NRP2: variants seen among roughly 807,000 people sequenced by gnomAD.
NRP2 encodes the protein neuropilin-2.
A neutral mutation model predicts 110.4 loss-of-function variants in NRP2; 52 were observed. The observed-to-expected ratio is 0.47, with a 90% confidence interval of 0.38 to 0.59. NRP2 has a LOEUF of 0.59. Among genes scored for constraint, NRP2 ranks in the 20% least tolerant of loss-of-function variants. The probability of loss-of-function intolerance (pLI) is 0.00; values close to 1 mark genes in which losing one functional copy is unlikely to be tolerated. For synonymous variants in NRP2, 508 were observed against 468.9 expected (o/e 1.08, Z -1.08); for missense variants, 1,049 against 1,203.0 (o/e 0.87, Z 1.89).
At chr2:205,696,857 AT>A (rs1207849747) in intron 1 of NRP2, among the ~76,000 whole-genome samples, 3 of 152,122 alleles carry the variant, frequency 2.0e-5, no homozygotes, top group Non-Finnish European at 4.4e-5. Context: ...TCTAATACAG[AT>A]TTTTCCATTC....
intron 12 of NRP2, among the ~76,000 whole-genome samples, chr2:205,754,599 G>C (rs553517294): frequency 6.6e-6 from 1 of 152,196 alleles, no homozygotes; most frequent in African/African-American, 2.4e-5. Flanking sequence ...CCTCCTGCAC[G>C]TTGGGAAAAA....
At chr2:205,740,733 G>T in intron 8 of NRP2, 70 bp downstream of exon 8, 1 of 1,570,028 alleles carries the variant, frequency 6.4e-7, no homozygotes, top group South Asian at 1.1e-5. Context: ...TCAACTCTCT[G>T]CAAACAGCAT....
At chr2:205,743,799 A>G (rs1019883798) in intron 9 of NRP2, 2 of 716,394 alleles carry the variant, frequency 2.8e-6, no homozygotes, top group African/African-American at 1.8e-5. Context: ...GCTGGAGTGC[A>G]GTGGCCTGTT....
intron 16 of NRP2, among the ~76,000 whole-genome samples, chr2:205,792,603 G>A (rs187444659): frequency 6.6e-6 from 1 of 152,332 alleles, no homozygotes; most frequent in Admixed American, 6.5e-5. Flanking sequence ...ACGTGTCATA[G>A]TCTGAATCTT....
At chr2:205,714,041 G>A (rs989140962) in intron 2 of NRP2, among the ~76,000 whole-genome samples, 1 of 152,176 alleles carries the variant, frequency 6.6e-6, no homozygotes, top group African/African-American at 2.4e-5. Flanking sequence ...TCTGCTCTGT[G>A]GCTCAGCCTC....
intron 1 of NRP2, among the ~76,000 whole-genome samples, chr2:205,696,909 G>A (rs554497674): frequency 1.6e-4 from 25 of 152,150 alleles, no homozygotes; most frequent in African/African-American, 5.5e-4. Context: ...TGGTATATAT[G>A]GAATTAAATG....
chr2:205,685,210 T>C (rs1236344765), intron 1 of NRP2, among the ~76,000 whole-genome samples: 1 of 152,196 alleles, frequency 6.6e-6, no homozygotes, highest in Non-Finnish European at 1.5e-5. Flanking sequence ...GCTGCGTCAC[T>C]TCCAGAGAAG....
At chr2:205,732,262 ATTTG>A (rs2057254707) in intron 7 of NRP2, among the ~76,000 whole-genome samples, 1 of 152,184 alleles carries the variant, frequency 6.6e-6, no homozygotes, top group African/African-American at 2.4e-5. Context: ...AGGAGTTGCC[ATTTG>A]TTTGATTTGG....
intron 9 of NRP2, among the ~76,000 whole-genome samples, chr2:205,744,635 T>A (rs1049936578): frequency 6.6e-6 from 1 of 152,180 alleles, no homozygotes; most frequent in East Asian, 1.9e-4. Context: ...TATCTCTAGT[T>A]ACCCCTTGTT....
intron 1 of NRP2, among the ~76,000 whole-genome samples, chr2:205,690,630 A>ACACAC (rs2056294317): frequency 3.0e-5 from 4 of 135,246 alleles, no homozygotes; most frequent in South Asian, 2.4e-4. Flanking sequence ...ACACACACAC[A>ACACAC]ATAGCTGGGT....
intron 15 of NRP2, chr2:205,777,254 C>T (rs1381081604): frequency 6.9e-6 from 4 of 582,780 alleles, no homozygotes; most frequent in African/African-American, 2.0e-5. Flanking sequence ...CATCCCTATC[C>T]CCAACCCACC....
intron 1 of NRP2, among the ~76,000 whole-genome samples, chr2:205,688,310 T>C (rs1264772451): frequency 6.6e-6 from 1 of 152,240 alleles, no homozygotes; most frequent in East Asian, 1.9e-4. Context: ...CAGATAAGTA[T>C]ATTGATCACC....
chr2:205,756,922 T>C (rs1181416418), intron 12 of NRP2: 3 of 152,200 alleles, frequency 2.0e-5, no homozygotes, highest in Admixed American at 1.3e-4. Context: ...TAAGTAAATA[T>C]TAATACTAAG....
chr2:205,700,878 G>A (rs2056539114), intron 2 of NRP2: 8 of 391,112 alleles, frequency 2.0e-5, no homozygotes, highest in South Asian at 9.3e-5. Context: ...GAAGCTGTGG[G>A]CAGAAACCAG....
Position 205,725,369 on chromosome 2 carries a change from G to T in NRP2, c.821-544G>T, listed in dbSNP as rs147919892. ...GTCTATTTGTCCAGACAGGTGGTGC[G>T]GGGGAATAGAGAGTGACATGCATGT... On this transcript the variant is annotated intron_variant, in intron 5 of 16. Transcript: ENST00000357785. This position sits in a 1 kb window ranked among gnomAD's most constrained non-coding sequence, Gnocchi z 4.1. Among the ~76,000 whole-genome samples the T allele has an allele frequency of 6.6e-6, 1 of 152,170 alleles. No homozygotes were observed. Among genetic ancestry groups the T allele is most frequent in the Non-Finnish European group, 1.5e-5 (1 of 68,036 alleles).
At chr2:205,693,419 A>C (rs1367451821) in intron 1 of NRP2, among the ~76,000 whole-genome samples, 1 of 152,136 alleles carries the variant, frequency 6.6e-6, no homozygotes, top group Non-Finnish European at 1.5e-5. Flanking sequence ...AGGAACTAGG[A>C]GGCCTGGACA....
chr2:205,794,163 T>C (rs2058330479), intron 16 of NRP2, among the ~76,000 whole-genome samples: 1 of 152,160 alleles, frequency 6.6e-6, no homozygotes, highest in Non-Finnish European at 1.5e-5. Context: ...CAGGCTGGAG[T>C]GCAGTGGCGC....
Position 205,765,783 on chromosome 2 carries a change from G to A in NRP2, c.2404+213G>A, listed in dbSNP as rs61624513. On this transcript the variant is annotated intron_variant, in intron 14 of 16. Coordinates refer to ENST00000357785, the MANE Select transcript of NRP2 (RefSeq NM_003872.3). ...AGGTAAGGGGACGGCTTATATCCCTGTTCCCAATCAGAAATAGACATGCAC... is the reference window on the plus strand; with the variant it reads ...AGGTAAGGGGACGGCTTATATCCCTATTCCCAATCAGAAATAGACATGCAC... 5,290 of 695,792 alleles carry A rather than the reference G, an allele frequency of 7.6e-3. 199 individuals carry two copies. The African/African-American group carries it at 0.083, about 11-fold the overall frequency. The allele number at this position is 695,792 out of a possible 1,614,324, so 43.1% of individuals were successfully genotyped here.
In NRP2 at chr2:205,716,374, G is replaced by A; in HGVS notation, c.433G>A (p.Gly145Ser). The A allele has an allele frequency of 6.2e-7, 1 of 1,613,738 alleles. No homozygotes were observed. The highest frequency in any genetic ancestry group is 8.5e-7 in the Non-Finnish European group (1 of 1,180,022). Residue 145 changes from glycine to serine, a missense_variant and splice_region_variant, in exon 3 of 17, where the codon GGC (glycine) becomes AGC (serine). By Grantham distance (56) the Gly-to-Ser change is moderately conservative (BLOSUM62 0). Transcript: ENST00000357785. ...FSLRYEIFKT[G>S]SEDCSKNFTS... ...TCTGCGCTACGAGATCTTCAAGACA[G>A]GTCAGTGTGGTCACACGTAGGGGCC...
Sources: gnomAD v4.1 joint callset for allele counts (sites outside exome capture counted in the v4.1 genomes callset) on GRCh38, gnomAD v4.1.1 for gene constraint, Gnocchi (gnomAD v3.1) non-coding constraint, MANE v1.5 for transcripts, NCBI Gene and HGNC (gene_info 2026-07-23, HGNC 2026-07-21) for gene names.